The following ANKRD28 variants were observed in gnomAD, a reference collection of about 807,000 sequenced individuals.
The protein encoded by ANKRD28 is ankyrin repeat domain 28, also known as serine/threonine-protein phosphatase 6 regulatory ankyrin repeat subunit A.
ANKRD28 carries 44 observed loss-of-function variants against 126.5 expected under a neutral mutation model. The ratio of observed to expected loss-of-function variants is 0.35; its 90% confidence interval spans 0.27 to 0.45. The LOEUF (loss-of-function observed/expected upper bound fraction) is 0.45. Ranked by LOEUF, ANKRD28 falls within the 20% of genes least tolerant of loss-of-function variation. ANKRD28 has a pLI of 1.00. For missense variants in ANKRD28, 1,110 were observed against 1,316.6 expected (o/e 0.84, Z 2.43); for synonymous variants, 442 against 468.5 (o/e 0.94, Z 0.73).
At chr3:15,807,131 A>G (rs1559560636) in intron 1 of ANKRD28, among the ~76,000 whole-genome samples, 1 of 152,278 alleles carries the variant, frequency 6.6e-6, no homozygotes, top group East Asian at 1.9e-4. Context: ...TAATTGTTAT[A>G]CTTCATGGGA....
intron 21 of ANKRD28, among the ~76,000 whole-genome samples, chr3:15,682,451 T>C (rs1485332505): frequency 6.6e-6 from 1 of 152,160 alleles, no homozygotes; most frequent in African/African-American, 2.4e-5. Flanking sequence ...TCATCATTTA[T>C]GAAAGATAGA....
chr3:15,793,615 C>T (rs1449552068), intron 2 of ANKRD28, among the ~76,000 whole-genome samples: 2 of 152,042 alleles, frequency 1.3e-5, no homozygotes, highest in African/African-American at 2.4e-5. Flanking sequence ...TTTGTCAGTA[C>T]TATTAAAATA....
chr3:15,800,430 T>C (rs1177688509), upstream of ANKRD28, among the ~76,000 whole-genome samples: 1 of 152,118 alleles, frequency 6.6e-6, no homozygotes, highest in East Asian at 1.9e-4. Flanking sequence ...TTGTGAAATC[T>C]AAACAAGATA....
chr3:15,771,409 C>CAAAAA (rs35184017), intron 2 of ANKRD28, among the ~76,000 whole-genome samples: 1 of 115,120 alleles, frequency 8.7e-6, no homozygotes, highest in Non-Finnish European at 1.8e-5. Context: ...AACTCTGTCT[C>CAAAAA]AAAAAAAAAA....
chr3:15,810,910 A>G (rs1388179944), intron 1 of ANKRD28, among the ~76,000 whole-genome samples: 1 of 152,190 alleles, frequency 6.6e-6, no homozygotes, highest in African/African-American at 2.4e-5. Context: ...CATTTAACCC[A>G]TAACTCCTGT....
At chr3:15,740,781 C>T (rs750157682) in intron 4 of ANKRD28, among the ~76,000 whole-genome samples, 11 of 152,276 alleles carry the variant, frequency 7.2e-5, no homozygotes, top group Non-Finnish European at 1.6e-4. Flanking sequence ...ATCTGGTTCA[C>T]AGTAGGTAAG....
intron 3 of ANKRD28, among the ~76,000 whole-genome samples, chr3:15,764,493 C>T (rs2058644419): frequency 6.7e-6 from 1 of 149,676 alleles, no homozygotes; most frequent in African/African-American, 2.5e-5. Flanking sequence ...GGGATTAAGT[C>T]AACTTTGAGC....
upstream of ANKRD28, among the ~76,000 whole-genome samples, chr3:15,799,943 G>A (rs1338709831): frequency 6.6e-6 from 1 of 152,104 alleles, no homozygotes; most frequent in Non-Finnish European, 1.5e-5. Context: ...TAGTGGGGGT[G>A]TGTTGGTATA....
At chr3:15,706,677 A>G (rs987724639) in intron 14 of ANKRD28, among the ~76,000 whole-genome samples, 1 of 152,182 alleles carries the variant, frequency 6.6e-6, no homozygotes, top group Non-Finnish European at 1.5e-5. Context: ...TGTCTTCCAC[A>G]ATGGTTGAAC....
At chr3:15,783,312 A>T (rs1308285182) in intron 2 of ANKRD28, among the ~76,000 whole-genome samples, 1 of 152,064 alleles carries the variant, frequency 6.6e-6, no homozygotes, top group Non-Finnish European at 1.5e-5. Flanking sequence ...AATACAAATT[A>T]AGACCAAATT....
At chr3:15,851,544 AAAATAAAT>A (rs141544673) in intron 1 of ANKRD28, among the ~76,000 whole-genome samples, 27,110 of 145,322 alleles carry the variant, frequency 0.19, 3,387 homozygotes, top group African/African-American at 0.36. Context: ...ACTCTGTGTC[AAAATAAAT>A]AAATAAATAA....
chr3:15,765,839 C>A (rs13096379), intron 3 of ANKRD28, among the ~76,000 whole-genome samples: 68,467 of 138,842 alleles, frequency 0.49, 18,792 homozygotes, highest in Non-Finnish European at 0.6. Flanking sequence ...ATCTCAAAAA[C>A]CAAAAACCAA....
intron 27 of ANKRD28, among the ~76,000 whole-genome samples, chr3:15,674,614 A>C (rs576456796): frequency 1.2e-3 from 181 of 152,350 alleles, no homozygotes; most frequent in Non-Finnish European, 2.2e-3. Flanking sequence ...AATCCTCAGC[A>C]TTATAGGTAG....
Position 15,814,307 on chromosome 3 carries a change from G to C in ANKRD28, c.28-19001C>G. The C allele has an allele frequency of 7.8e-7, 1 of 1,274,240 alleles. No homozygotes were observed. Among genetic ancestry groups the C allele is most frequent in the Non-Finnish European group, 1.0e-6 (1 of 982,910 alleles). 78.9% of individuals were successfully genotyped at this position (1,274,240 alleles called of 1,614,324 possible). On this transcript the variant is annotated intron_variant, in intron 1 of 27. Coordinates refer to the ANKRD28 transcript ENST00000399451. The surrounding 1 kb of genome is among the most constrained non-coding windows in gnomAD (Gnocchi z 4.7). ...TTGTACTGTTTCAATTCCAATCACAGGCCTGTAGCAGAAAACAGATATCAA... is the reference window on the plus strand; with the variant it reads ...TTGTACTGTTTCAATTCCAATCACACGCCTGTAGCAGAAAACAGATATCAA...
At chr3:15,832,439 A>C (rs977667554) in intron 1 of ANKRD28, among the ~76,000 whole-genome samples, 23 of 152,336 alleles carry the variant, frequency 1.5e-4, no homozygotes, top group Non-Finnish European at 2.5e-4. Flanking sequence ...TTTCAATTCT[A>C]ATTTCCATCA....
At chr3:15,850,544 A>AC (rs2061630534) in intron 1 of ANKRD28, among the ~76,000 whole-genome samples, 1 of 151,974 alleles carries the variant, frequency 6.6e-6, no homozygotes, top group Non-Finnish European at 1.5e-5. Context: ...TTGGAACTGT[A>AC]TGACTCCAAC....
chr3:15,737,622 C>T (rs774868430), intron 4 of ANKRD28, among the ~76,000 whole-genome samples: 4 of 40,544 alleles, frequency 9.9e-5, no homozygotes, highest in Non-Finnish European at 1.5e-4. Context: ...ATGCCACCAC[C>T]CCTGGCTAAT....
At chr3:15,724,089 T>C (rs1258449115) in intron 7 of ANKRD28, among the ~76,000 whole-genome samples, 1 of 152,176 alleles carries the variant, frequency 6.6e-6, no homozygotes, top group Non-Finnish European at 1.5e-5. Context: ...GTGTGTCTGA[T>C]CTGCTGATTC....
At chr3:15,720,806 T>A in intron 8 of ANKRD28, 109 bp downstream of exon 8, 1 of 962,196 alleles carries the variant, frequency 1.0e-6, no homozygotes, top group South Asian at 1.7e-5. Flanking sequence ...GATTTATCCA[T>A]GTTCTTGAGT....
Sources: gnomAD v4.1 joint callset for allele counts (sites outside exome capture counted in the v4.1 genomes callset) on GRCh38, gnomAD v4.1.1 for gene constraint, Gnocchi (gnomAD v3.1) non-coding constraint, MANE v1.5 for transcripts, NCBI Gene and HGNC (gene_info 2026-07-23, HGNC 2026-07-21) for gene names.